DACH2: variants seen among roughly 807,000 people sequenced by gnomAD.
The protein encoded by DACH2 is dachshund family transcription factor 2, also known as dachshund homolog 2.
DACH2 carries 17 observed loss-of-function variants against 35.8 expected under a neutral mutation model. That is an observed-to-expected ratio of 0.48 (90% CI 0.33 to 0.71). The LOEUF is 0.71. Ranked by LOEUF, DACH2 falls within the 30% of genes least tolerant of loss-of-function variation. DACH2 has a pLI of 0.02. For synonymous variants in DACH2, 195 were observed against 177.3 expected (o/e 1.10, Z -0.79); for missense variants, 469 against 472.7 (o/e 0.99, Z 0.07).
intron 1 of DACH2, among the ~76,000 whole-genome samples, chrX:86,181,324 A>C (rs183314496): frequency 1.8e-5 from 2 of 110,333 alleles, no homozygotes; most frequent in Admixed American, 1.9e-4. Context: ...TCCTAATGCT[A>C]TCTCTCCCCT....
intron 7 of DACH2, among the ~76,000 whole-genome samples, chrX:86,770,404 C>T (rs1793777118): frequency 8.9e-6 from 1 of 111,773 alleles, no homozygotes; most frequent in Non-Finnish European, 1.9e-5. Context: ...TAGTTGTCAG[C>T]AATTTATTTG....
At chrX:86,656,029 TCC>T (rs66532210) in intron 4 of DACH2, among the ~76,000 whole-genome samples, 1 of 81,646 alleles carries the variant, frequency 1.2e-5, no homozygotes, top group African/African-American at 4.7e-5. Flanking sequence ...GAAATAAAGC[TCC>T]CCCCCCCCAC....
intron 1 of DACH2, among the ~76,000 whole-genome samples, chrX:86,209,809 T>G (rs1010260221): frequency 1.8e-5 from 2 of 111,198 alleles, no homozygotes; most frequent in Non-Finnish European, 3.8e-5. Flanking sequence ...AACTTTGGCC[T>G]CTGAGAGCAA....
At chrX:86,370,613 C>A (rs2035873251) in intron 1 of DACH2, among the ~76,000 whole-genome samples, 1 of 111,279 alleles carries the variant, frequency 9.0e-6, no homozygotes, top group Non-Finnish European at 1.9e-5. Flanking sequence ...ACATGAATAG[C>A]AAGACTGAAA....
intron 2 of DACH2, among the ~76,000 whole-genome samples, chrX:86,381,217 C>G (rs903073107): frequency 9.1e-6 from 1 of 110,251 alleles, no homozygotes; most frequent in Non-Finnish European, 1.9e-5. Context: ...ACAAGAGGTC[C>G]CATTTCCTCA....
chrX:86,284,802 C>T (rs993810788), intron 1 of DACH2, among the ~76,000 whole-genome samples: 5 of 110,742 alleles, frequency 4.5e-5, no homozygotes, highest in Non-Finnish European at 7.6e-5. Context: ...GATCTCATTT[C>T]GGCTTCAATC....
intron 2 of DACH2, among the ~76,000 whole-genome samples, chrX:86,451,572 G>GT (rs892440799): frequency 2.7e-5 from 3 of 111,036 alleles, no homozygotes; most frequent in African/African-American, 6.5e-5. Flanking sequence ...AGTTTTAAAA[G>GT]TTTTTTTCTA....
At chrX:86,787,312 C>T (rs1382569584) in intron 7 of DACH2, among the ~76,000 whole-genome samples, 3 of 111,863 alleles carry the variant, frequency 2.7e-5, no homozygotes, top group South Asian at 3.7e-4. Flanking sequence ...AGTTTACTCT[C>T]TCAGGGCTAG....
rs151234038 is a variant in DACH2 at position 86,693,661 on chromosome X, T to G, written c.773-1360T>G. Among the ~76,000 whole-genome samples the G allele has an allele frequency of 4.9e-3, 553 of 112,664 alleles. 3 individuals carry two copies. The highest frequency in any genetic ancestry group is 7.7e-3 in the Non-Finnish European group (411 of 53,350). On this transcript the variant is annotated intron_variant, in intron 4 of 11. Transcript: ENST00000373125. ...GACATTTCCCTGAAAAGTTTACAAC[T>G]CTCAAAACTGCTTTTGCAAATGTGG...
intron 1 of DACH2, among the ~76,000 whole-genome samples, chrX:86,249,658 C>T (rs2033360783): frequency 9.0e-6 from 1 of 111,148 alleles, no homozygotes; most frequent in African/African-American, 3.3e-5. Context: ...TCTTGAAGAC[C>T]TTAAAACATA....
intron 4 of DACH2, among the ~76,000 whole-genome samples, chrX:86,667,614 A>AAGAAAGAAAGGC (rs1556364404): frequency 4.5e-4 from 44 of 96,936 alleles, no homozygotes; most frequent in East Asian, 3.0e-3. Flanking sequence ...GAAAGAAAGA[A>AAGAAAGAAAGGC]AGGCAGGCAG....
intron 1 of DACH2, among the ~76,000 whole-genome samples, chrX:86,355,366 G>A (rs1477457558): frequency 8.9e-6 from 1 of 111,872 alleles, no homozygotes; most frequent in Non-Finnish European, 1.9e-5. Flanking sequence ...ATTCCCTTGG[G>A]TGTATACCCA....
chrX:86,536,482 A>G (rs2038802886), intron 3 of DACH2, among the ~76,000 whole-genome samples: 1 of 112,259 alleles, frequency 8.9e-6, no homozygotes. Context: ...AGAGTCTGAC[A>G]AGAGGACATC....
chrX:86,446,183 T>G (rs1320053010), intron 2 of DACH2, among the ~76,000 whole-genome samples: 1 of 111,183 alleles, frequency 9.0e-6, no homozygotes, highest in Non-Finnish European at 1.9e-5. Context: ...TCTTTTGGTT[T>G]CTTTTTGTGT....
intron 3 of DACH2, among the ~76,000 whole-genome samples, chrX:86,635,750 A>G (rs946749764): frequency 3.6e-5 from 4 of 111,595 alleles, no homozygotes; most frequent in African/African-American, 1.3e-4. Flanking sequence ...TCAAATTGAG[A>G]ATCAAATCAT....
At chrX:86,768,570 G>C (rs1283286233) in intron 7 of DACH2, among the ~76,000 whole-genome samples, 2 of 111,646 alleles carry the variant, frequency 1.8e-5, no homozygotes, top group African/African-American at 6.5e-5. Flanking sequence ...CATTGTAATG[G>C]TAAAGAGAAA....
At chrX:86,256,260 A>T (rs2033516974) in intron 1 of DACH2, among the ~76,000 whole-genome samples, 1 of 111,449 alleles carries the variant, frequency 9.0e-6, no homozygotes, top group Admixed American at 9.6e-5. Flanking sequence ...TAAAATACCA[A>T]ATTATAACTT....
chrX:86,537,182 A>G (rs1374797505), intron 3 of DACH2, among the ~76,000 whole-genome samples: 1 of 111,725 alleles, frequency 9.0e-6, no homozygotes, highest in Non-Finnish European at 1.9e-5. Context: ...AGTGTGTCAA[A>G]TCAAGCCACC....
intron 1 of DACH2, among the ~76,000 whole-genome samples, chrX:86,194,371 C>T (rs1309181052): frequency 1.8e-5 from 2 of 111,341 alleles, no homozygotes; most frequent in East Asian, 2.8e-4. Flanking sequence ...GCAAGATGGC[C>T]GACTAGATGC....
Sources: gnomAD v4.1 joint callset for allele counts (sites outside exome capture counted in the v4.1 genomes callset) on GRCh38, gnomAD v4.1.1 for gene constraint, MANE v1.5 for transcripts, NCBI Gene and HGNC (gene_info 2026-07-23, HGNC 2026-07-21) for gene names.